CES3: variants seen among roughly 807,000 people sequenced by gnomAD.
CES3 encodes carboxylesterase 3.
CES3 carries 49 observed loss-of-function variants against 57.6 expected under a neutral mutation model. That is an observed-to-expected ratio of 0.85 (90% confidence interval 0.68 to 1.08). The LOEUF is 1.08. Among genes scored for constraint, CES3 ranks in the 50% least tolerant of loss-of-function variants. The probability of loss-of-function intolerance (pLI) is 0.00; values close to 1 mark genes in which losing one functional copy is unlikely to be tolerated. For synonymous variants in CES3, 266 were observed against 281.6 expected, an observed-to-expected ratio of 0.94 and a Z score of 0.55; for missense variants, 645 against 742.0, an observed-to-expected ratio of 0.87 and a Z score of 1.52.
rs1306322122 is a variant in CES3 at position 66,974,428 on chromosome 16, T to C, written c.*1379T>C. On this transcript the variant is annotated 3_prime_UTR_variant, in exon 13 of 13. Coordinates refer to ENST00000303334, the MANE Select transcript of CES3 (RefSeq NM_024922.6). ...TTAGCACCTGGGCCAGCAGCTGCTG[T>C]GCTCGATTTCTCGCTGGGCCTTAGC... is the stretch of plus-strand genomic sequence containing the variant. 1.3e-5 allele frequency: 2 copies of C among 152,432 alleles called. No individual in the cohort carries two copies. Among genetic ancestry groups the C allele is most frequent in the African/African-American group, 4.8e-5 (2 of 41,464 alleles). The allele number at this position is 152,432 out of a possible 1,614,324, so 9.4% of individuals were successfully genotyped here.
At chr16:66,969,185 C>T (rs1963788223) in intron 8 of CES3, among the ~76,000 whole-genome samples, 1 of 152,246 alleles carries the variant, frequency 6.6e-6, no homozygotes, top group Admixed American at 6.5e-5. Flanking sequence ...GCAGGCGGAT[C>T]ACTCAAGGCC....
intron 10 of CES3, 114 bp downstream of exon 10, chr16:66,971,433 C>G: frequency 9.8e-7 from 1 of 1,024,310 alleles, no homozygotes; most frequent in Admixed American, 2.2e-5. Flanking sequence ...TTGCACCCCA[C>G]ACCCCACTGC....
In CES3 at chr16:66,966,334, A is replaced by G. The variant is rs1187862034; in HGVS notation, c.910A>G (p.Ser304Gly). The G allele has an allele frequency of 6.2e-7, 1 of 1,613,638 alleles. No individual in the cohort carries two copies. Among genetic ancestry groups the G allele is most frequent in the Non-Finnish European group, 8.5e-7 (1 of 1,179,956 alleles). The change falls in exon 7 of 13, where the codon AGC becomes GGC. Residue 304 changes from serine (S) to glycine (G), a missense_variant. Ser to Gly is a moderately conservative substitution (Grantham distance 56). Coordinates refer to ENST00000303334, the MANE Select transcript of CES3 (RefSeq NM_024922.6). The part of the protein sequence containing the change: ...QQKEGEELVL[S>G]KKLKNTIYPL... Reference sequence around the variant, plus strand: ...GAAAGAAGGAGAAGAGCTGGTCCTTAGCAAGAAGCTGGTATGGCCACCCTT... The same window carrying G: ...GAAAGAAGGAGAAGAGCTGGTCCTTGGCAAGAAGCTGGTATGGCCACCCTT...
chr16:66,970,109 GTTT>G (rs369272818), intron 9 of CES3, among the ~76,000 whole-genome samples: 3 of 127,976 alleles, frequency 2.3e-5, no homozygotes, highest in African/African-American at 3.1e-5. Flanking sequence ...TCTTTTCTTT[GTTT>G]TTTTTTTTTT....
Position 66,972,419 on chromosome 16 carries a change from A to G in CES3, c.1355A>G (p.Lys452Arg). 1 of 1,613,850 alleles carries G rather than the reference A, an allele frequency of 6.2e-7. No individual in the cohort carries two copies. Among genetic ancestry groups the G allele is most frequent in the Non-Finnish European group, 8.5e-7 (1 of 1,179,938 alleles). ...QHRPSSFAKI[K>R]PAWVKADHGA... ...CGACCCAGTTCTTTTGCGAAGATCAAACCTGCCTGGGTGAAGGCTGATCAT... is the reference window on the plus strand; with the variant it reads ...CGACCCAGTTCTTTTGCGAAGATCAGACCTGCCTGGGTGAAGGCTGATCAT... Residue 452 changes from lysine to arginine, a missense_variant, in exon 11 of 13, where the codon AAA becomes AGA. Coordinates refer to ENST00000303334, the MANE Select transcript of CES3 (RefSeq NM_024922.6).
chr16:66,973,154 C>T lies in CES3; in HGVS notation c.*105C>T. On this transcript the variant is annotated 3_prime_UTR_variant, in exon 13 of 13. Transcript: ENST00000303334. ...CCCCTGCTGAGACTTTAATCTCCAC[C>T]AGCCCTTAAAGTGTCGGCCGCTCTG... is the stretch of plus-strand genomic sequence containing the variant. The T allele has an allele frequency of 9.6e-7, 1 of 1,045,168 alleles. No homozygotes were observed. Among genetic ancestry groups the T allele is most frequent in the Non-Finnish European group, 1.4e-6 (1 of 718,956 alleles). The allele number at this position is 1,045,168 out of a possible 1,614,324, so 64.7% of individuals were successfully genotyped here. A position where few individuals can be genotyped will look rare whatever the true frequency, so the allele number is the denominator to read the frequency against.
chr16:66,966,647 A>T, intron 7 of CES3, 78 bp from the exon 8 acceptor site: 1 of 1,567,200 alleles, frequency 6.4e-7, no homozygotes, highest in Middle Eastern at 1.7e-4. Context: ...TCAGGCCTGC[A>T]GCTCAGTGGC....
At chr16:66,972,233 A>T in intron 10 of CES3, 123 bp from the exon 11 acceptor site, 2 of 988,534 alleles carry the variant, frequency 2.0e-6, no homozygotes, top group Non-Finnish European at 2.9e-6. Flanking sequence ...GTTTGCAGCT[A>T]GTCATTTTAT....
At chr16:66,962,924 G>C in intron 1 of CES3, 1 of 654,704 alleles carries the variant, frequency 1.5e-6, no homozygotes, top group South Asian at 1.5e-5. Context: ...ACAAAGAAAT[G>C]GGCAAGTGGC....
rs944850136 is a variant in CES3 at position 66,972,266 on chromosome 16, G to A, written c.1292-90G>A. 4 of 1,253,770 alleles carry A rather than the reference G, an allele frequency of 3.2e-6. No individual in the cohort carries two copies. In the African/African-American group the frequency reaches 6.1e-5, roughly 19 times the overall value. The allele number at this position is 1,253,770 out of a possible 1,614,324, so 77.7% of individuals were successfully genotyped here. A position where few individuals can be genotyped will look rare whatever the true frequency, so the allele number is the denominator to read the frequency against. ...TATCATCATCATCATCATCATCATG[G>A]AAATTGGTGTTATTATGAGCATGTG... On this transcript the variant is annotated intron_variant, in intron 10 of 12. Transcript: ENST00000303334.
In CES3 at chr16:66,974,042, A is replaced by T. The variant is rs1392597522; in HGVS notation, c.*993A>T. The stretch of plus-strand genomic sequence containing the variant: ...GCTATTGTCACAGAGAAAAGAAGAG[A>T]CCCACCCACTCGGGCTGCAAAAGGT... On this transcript the variant is annotated 3_prime_UTR_variant, in exon 13 of 13. Transcript: ENST00000303334. The T allele has an allele frequency of 1.3e-5, 2 of 152,462 alleles. No individual in the cohort carries two copies. The highest frequency in any genetic ancestry group is 3.9e-4 in the East Asian group (2 of 5,172). The allele number at this position is 152,462 out of a possible 1,614,324, so 9.4% of individuals were successfully genotyped here. A position where few individuals can be genotyped will look rare whatever the true frequency, so the allele number is the denominator to read the frequency against.
chr16:66,962,303 A>G (rs1479057613), intron 1 of CES3, among the ~76,000 whole-genome samples: 8 of 151,992 alleles, frequency 5.3e-5, no homozygotes, highest in Non-Finnish European at 8.8e-5. Flanking sequence ...TGCCAATTCC[A>G]CCTCCCCAGA....
chr16:66,973,138 A>C lies in CES3; in HGVS notation c.*89A>C. The C allele has an allele frequency of 2.5e-6, 3 of 1,193,816 alleles. No homozygotes were observed. Among genetic ancestry groups the C allele is most frequent in the Non-Finnish European group, 3.6e-6 (3 of 841,420 alleles). The allele number at this position is 1,193,816 out of a possible 1,614,324, so 74.0% of individuals were successfully genotyped here. A position where few individuals can be genotyped will look rare whatever the true frequency, so the allele number is the denominator to read the frequency against. ...CGGCAGCCCGCCTCTCCCCCTGCTG[A>C]GACTTTAATCTCCACCAGCCCTTAA... On this transcript the variant is annotated 3_prime_UTR_variant, in exon 13 of 13. Coordinates refer to ENST00000303334, the MANE Select transcript of CES3 (RefSeq NM_024922.6).
intron 7 of CES3, 66 bp downstream of exon 7, chr16:66,966,411 A>C (rs1963732873): frequency 6.8e-7 from 1 of 1,479,742 alleles, no homozygotes; most frequent in Non-Finnish European, 9.3e-7. Flanking sequence ...CATCCCCTGC[A>C]GGAGCAGAGG....
Position 66,974,001 on chromosome 16 carries a change from C to A in CES3, c.*952C>A, listed in dbSNP as rs1963890411. ...GACAGGCCAGGGGAGGGCATCTGGA[C>A]CAGGGCATCCGTCGGGCTATTGTCA... On this transcript the variant is annotated 3_prime_UTR_variant, in exon 13 of 13. Coordinates refer to ENST00000303334, the MANE Select transcript of CES3 (RefSeq NM_024922.6). The A allele has an allele frequency of 6.6e-6, 1 of 152,372 alleles. No individual in the cohort carries two copies. The highest frequency in any genetic ancestry group is 2.4e-5 in the African/African-American group (1 of 41,376). The allele number at this position is 152,372 out of a possible 1,614,324, so 9.4% of individuals were successfully genotyped here.
rs150652045 is a variant in CES3 at position 66,973,195 on chromosome 16, T to C, written c.*146T>C. On this transcript the variant is annotated 3_prime_UTR_variant, in exon 13 of 13. Coordinates refer to ENST00000303334, the MANE Select transcript of CES3 (RefSeq NM_024922.6). ...GGCCGCTCTGTGACTGGAGTTATGC[T>C]CTTTTGAAATGTCACAAGGCCGCCT... 2.4e-3 allele frequency: 1,680 copies of C among 712,264 alleles called. 5 individuals carry two copies. Among genetic ancestry groups the C allele is most frequent in the Non-Finnish European group, 3.6e-3 (1,558 of 432,252 alleles). The allele number at this position is 712,264 out of a possible 1,614,324, so 44.1% of individuals were successfully genotyped here.
At chr16:66,969,235 A>G (rs1963788694) in intron 8 of CES3, among the ~76,000 whole-genome samples, 1 of 152,034 alleles carries the variant, frequency 6.6e-6, no homozygotes, top group African/African-American at 2.4e-5. Flanking sequence ...GCATAACCCC[A>G]CCTCTACTAA....
In CES3 at chr16:66,966,365, G is replaced by A. The variant is rs376216934; in HGVS notation, c.921+20G>A. On this transcript the variant is annotated intron_variant, in intron 7 of 12. Transcript: ENST00000303334. ...AAGCTGGTATGGCCACCCTTTTGGG[G>A]ATGGTGCCGGGCAATGGCACAGAGG... 116 of 1,609,880 alleles carry A rather than the reference G, an allele frequency of 7.2e-5. No homozygotes were observed. The highest frequency in any genetic ancestry group is 9.4e-5 in the Non-Finnish European group (111 of 1,177,304).
chr16:66,972,533 C>A, intron 11 of CES3, 28 bp downstream of exon 11: 1 of 1,606,274 alleles, frequency 6.2e-7, no homozygotes, highest in Non-Finnish European at 8.5e-7. Context: ...GACATGTGAT[C>A]CCTAGGCTGC....
Sources: gnomAD v4.1 joint callset for allele counts (sites outside exome capture counted in the v4.1 genomes callset) on GRCh38, gnomAD v4.1.1 for gene constraint, MANE v1.5 for transcripts, NCBI Gene and HGNC (gene_info 2026-07-23, HGNC 2026-07-21) for gene names.